The following NSD1 variants were observed in gnomAD, a reference collection of about 807,000 sequenced individuals.
NSD1 encodes histone-lysine N-methyltransferase, H3 lysine-36 specific.
NSD1 carries 26 observed loss-of-function variants against 242.7 expected under a neutral mutation model. That is an observed-to-expected ratio of 0.11 (90% CI 0.08 to 0.15). The LOEUF (loss-of-function observed/expected upper bound fraction) is 0.15. Ranked by LOEUF, NSD1 falls within the 10% of genes least tolerant of loss-of-function variation. The pLI is 1.00. For missense variants in NSD1, 2,495 were observed against 3,272.8 expected (o/e 0.76, Z 5.80); for synonymous variants, 1,106 against 1,178.1 (o/e 0.94, Z 1.25).
intron 4 of NSD1, among the ~76,000 whole-genome samples, chr5:177,208,032 G>T (rs188444958): frequency 1.3e-5 from 2 of 152,158 alleles, no homozygotes; most frequent in Non-Finnish European, 2.9e-5. Context: ...TCAAAGTCCT[G>T]GGAGTACAGC....
intron 2 of NSD1, among the ~76,000 whole-genome samples, chr5:177,136,719 G>A (rs558310214): frequency 7.4e-4 from 112 of 151,560 alleles, no homozygotes; most frequent in Non-Finnish European, 1.4e-3. Context: ...TCACCCTCCC[G>A]AGTAGCTGGG....
At position 177,273,522 on chromosome 5, in the gene NSD1, T is replaced by TA. The variant is rs1758113031; in HGVS notation, c.5510-149dup. 36 of 643,104 alleles carry TA rather than the reference T, an allele frequency of 5.6e-5. No homozygotes were observed. The East Asian group carries it at 1.1e-3, about 19-fold the overall frequency. 39.8% of individuals were successfully genotyped at this position (643,104 alleles called of 1,614,324 possible). ...ACATTACCTGTTTGAAAATAGCTGT[T>TA]ATGTGTTTTCTTTTTCATATAGCAT... On this transcript the variant is annotated intron_variant, in intron 16 of 22. Transcript: ENST00000439151.
intron 2 of NSD1, among the ~76,000 whole-genome samples, chr5:177,182,199 C>G (rs998164159): frequency 6.6e-6 from 1 of 151,954 alleles, no homozygotes; most frequent in Admixed American, 6.6e-5. Context: ...CACTTTTAGT[C>G]CCAGTTACTT....
At chr5:177,214,407 C>T (rs1418278565) in intron 5 of NSD1, among the ~76,000 whole-genome samples, 1 of 152,122 alleles carries the variant, frequency 6.6e-6, no homozygotes, top group East Asian at 1.9e-4. Flanking sequence ...GAATCATGTA[C>T]ATGTACAACA....
intron 13 of NSD1, among the ~76,000 whole-genome samples, chr5:177,258,452 A>G (rs1756710872): frequency 6.6e-6 from 1 of 151,794 alleles, no homozygotes; most frequent in African/African-American, 2.4e-5. Context: ...GTTTTCCAAA[A>G]CTGTCTGTGC....
intron 3 of NSD1, among the ~76,000 whole-genome samples, chr5:177,203,564 T>C (rs995828378): frequency 6.6e-6 from 1 of 152,130 alleles, no homozygotes; most frequent in African/African-American, 2.4e-5. Context: ...ATACATTATT[T>C]TGGGGGTGTG....
In NSD1 at chr5:177,227,805, T is replaced by A. The variant is rs555170785; in HGVS notation, c.3797-8016T>A. Among the ~76,000 whole-genome samples, 4 of 152,148 alleles carry A rather than the reference T, an allele frequency of 2.6e-5. No individual in the cohort carries two copies. In the South Asian group the frequency reaches 8.3e-4, roughly 32 times the overall value. ...GGAACAGAAAGCAGAAAGTTTGGCC[T>A]AGCACAGTGGCTCACACCTGTAATT... On this transcript the variant is annotated intron_variant, in intron 5 of 22. Transcript: ENST00000439151.
At chr5:177,182,259 G>A (rs1409492762) in intron 2 of NSD1, among the ~76,000 whole-genome samples, 1 of 152,182 alleles carries the variant, frequency 6.6e-6, no homozygotes, top group Non-Finnish European at 1.5e-5. Context: ...AGAGGCTACA[G>A]TGAGTTGTTT....
chr5:177,264,129 G>A (rs1172505117), intron 14 of NSD1, among the ~76,000 whole-genome samples: 2 of 136,992 alleles, frequency 1.5e-5, no homozygotes, highest in Non-Finnish European at 3.0e-5. Context: ...CCCACCTCCC[G>A]GGTTCAAGCG....
chr5:177,239,835 C>T lies in NSD1; in HGVS notation c.4272C>T (p.Pro1424=). ...ESNDLDPGFM[P]KKGDLGLSKK... is the part of the protein sequence containing the mutation. The stretch of plus-strand genomic sequence containing the variant: ...ATGATTTAGACCCTGGATTTATGCC[C>T]AAGAAGGGGGACCTTGGCCTTTCTA... The change falls in exon 8 of 23, where the codon CCC becomes CCT. Residue 1424 remains proline, a synonymous_variant. Transcript: ENST00000439151. The T allele has an allele frequency of 6.2e-7, 1 of 1,611,268 alleles. No individual in the cohort carries two copies. Among genetic ancestry groups the T allele is most frequent in the Non-Finnish European group, 8.5e-7 (1 of 1,177,678 alleles).
At chr5:177,163,290 G>C (rs1218982543) in intron 2 of NSD1, among the ~76,000 whole-genome samples, 5 of 151,924 alleles carry the variant, frequency 3.3e-5, no homozygotes, top group South Asian at 2.1e-4. Flanking sequence ...CTACAGGCAC[G>C]CATCACCATG....
intron 5 of NSD1, among the ~76,000 whole-genome samples, chr5:177,233,754 A>G (rs1474609828): frequency 6.6e-6 from 1 of 152,106 alleles, no homozygotes; most frequent in Non-Finnish European, 1.5e-5. Flanking sequence ...GGGAAGCTGG[A>G]CAGGATGATG....
chr5:177,152,721 C>T (rs1757828413), intron 2 of NSD1, among the ~76,000 whole-genome samples: 1 of 151,962 alleles, frequency 6.6e-6, no homozygotes, highest in South Asian at 2.1e-4. Context: ...GCCTCTGCTT[C>T]CCAAAGTGCT....
intron 17 of NSD1, among the ~76,000 whole-genome samples, chr5:177,279,249 A>G (rs1445685692): frequency 2.0e-5 from 3 of 152,190 alleles, no homozygotes; most frequent in Non-Finnish European, 4.4e-5. Context: ...TCAGAGACCG[A>G]GGCGGGCAGA....
At chr5:177,207,182 C>G (rs1199045322) in intron 4 of NSD1, among the ~76,000 whole-genome samples, 1 of 152,070 alleles carries the variant, frequency 6.6e-6, no homozygotes, top group East Asian at 1.9e-4. Flanking sequence ...GGTGACCCCC[C>G]GCCATCCCCC....
intron 5 of NSD1, among the ~76,000 whole-genome samples, chr5:177,217,889 C>G (rs1763911825): frequency 6.6e-6 from 1 of 151,584 alleles, no homozygotes; most frequent in Non-Finnish European, 1.5e-5. Context: ...AGGCTAGTCT[C>G]GAACTCTTGA....
In NSD1 at chr5:177,291,968, C is replaced by T; in HGVS notation, c.6273C>T (p.Ala2091=). The T allele has an allele frequency of 6.2e-7, 1 of 1,613,696 alleles. No homozygotes were observed. Among genetic ancestry groups the T allele is most frequent in the Non-Finnish European group, 8.5e-7 (1 of 1,179,830 alleles). ...CTGACCTGTAGAATCAACCCATTGC[C>T]ACGGAAGAAAAGTCAAAGAAATTCA... ...LGVRPKNQPI[A]TEEKSKKFKK... is the part of the protein sequence containing the mutation. Residue 2091 remains alanine (A), a synonymous_variant, in exon 22 of 23, where the codon GCC becomes GCT. Coordinates refer to ENST00000439151, the MANE Select transcript of NSD1 (RefSeq NM_022455.5).
chr5:177,249,451 A>T (rs919283425), intron 11 of NSD1, among the ~76,000 whole-genome samples: 1 of 150,314 alleles, frequency 6.7e-6, no homozygotes, highest in East Asian at 1.9e-4. Context: ...CTTTTTTATT[A>T]ATTAATTATT....
At chr5:177,219,905 C>T (rs1343662085) in intron 5 of NSD1, among the ~76,000 whole-genome samples, 1 of 151,866 alleles carries the variant, frequency 6.6e-6, no homozygotes, top group East Asian at 1.9e-4. Context: ...GATGTTGCAG[C>T]GAGCTGAGAT....
Sources: allele counts gnomAD v4.1 joint callset (sites outside exome capture counted in the v4.1 genomes callset), GRCh38; gene constraint gnomAD v4.1.1; transcripts MANE v1.5; gene names NCBI Gene and HGNC (gene_info 2026-07-23, HGNC 2026-07-21).